ATRNL1: variants seen among roughly 807,000 people sequenced by gnomAD.
ATRNL1 encodes the protein attractin-like protein 1.
Under a neutral mutation model 182.7 loss-of-function variants are expected in ATRNL1, and 95 were observed. That is an observed-to-expected ratio of 0.52 (90% CI 0.44 to 0.62). The LOEUF is 0.62. Among genes scored for constraint, ATRNL1 ranks in the 20% least tolerant of loss-of-function variants. The pLI is 0.00. For synonymous variants in ATRNL1, 576 were observed against 568.3 expected (o/e 1.01, Z -0.19); for missense variants, 1,471 against 1,679.5 (o/e 0.88, Z 2.17).
At chr10:115,669,908 T>C (rs1555040861) in intron 26 of ATRNL1, among the ~76,000 whole-genome samples, 1 of 152,094 alleles carries the variant, frequency 6.6e-6, no homozygotes, top group Non-Finnish European at 1.5e-5. Flanking sequence ...TGTTATTACT[T>C]AGAGGTGTTT....
At chr10:115,757,334 G>T (rs1223399083) in intron 27 of ATRNL1, among the ~76,000 whole-genome samples, 1 of 152,148 alleles carries the variant, frequency 6.6e-6, no homozygotes, top group Non-Finnish European at 1.5e-5. Flanking sequence ...TCCTTCAGGA[G>T]CTCTTGTAAG....
intron 22 of ATRNL1, among the ~76,000 whole-genome samples, chr10:115,462,747 G>A (rs1847877915): frequency 6.6e-6 from 1 of 151,964 alleles, no homozygotes; most frequent in Admixed American, 6.6e-5. Context: ...TTATATGAAT[G>A]ATGGCTCCTT....
At chr10:115,704,590 A>G (rs1023870805) in intron 26 of ATRNL1, among the ~76,000 whole-genome samples, 8 of 152,050 alleles carry the variant, frequency 5.3e-5, no homozygotes, top group Non-Finnish European at 8.8e-5. Flanking sequence ...AATATTAAGC[A>G]GAATAAATAT....
chr10:115,397,037 T>C (rs1044742456), intron 20 of ATRNL1, among the ~76,000 whole-genome samples: 2 of 151,960 alleles, frequency 1.3e-5, no homozygotes. Context: ...TCCATTCATT[T>C]ACTTTTTTGT....
Position 115,604,543 on chromosome 10 carries a change from T to C in ATRNL1, c.3795+55007T>C, listed in dbSNP as rs1432721740. Among the ~76,000 whole-genome samples the C allele has an allele frequency of 5.3e-5, 8 of 152,140 alleles. No individual in the cohort carries two copies. The South Asian group carries it at 1.0e-3, about 20-fold the overall frequency. ...GATTTGGTAAAAATTCAAAGAGATATTTAGAGCTCTTTTTCAGCATATATC... is the reference window on the plus strand; with the variant it reads ...GATTTGGTAAAAATTCAAAGAGATACTTAGAGCTCTTTTTCAGCATATATC... On this transcript the variant is annotated intron_variant, in intron 26 of 28. Coordinates refer to ENST00000355044, the MANE Select transcript of ATRNL1 (RefSeq NM_207303.4).
chr10:115,787,061 T>A (rs1555080563), intron 27 of ATRNL1, among the ~76,000 whole-genome samples: 1 of 152,226 alleles, frequency 6.6e-6, no homozygotes. Flanking sequence ...TCAAAGGTTC[T>A]TTATCTGATT....
chr10:115,424,393 A>C (rs1845787101), intron 20 of ATRNL1, among the ~76,000 whole-genome samples: 1 of 152,178 alleles, frequency 6.6e-6, no homozygotes, highest in East Asian at 1.9e-4. Flanking sequence ...AAAAATTAAA[A>C]ACAGAATGAA....
At chr10:115,576,070 A>G (rs1231661192) in intron 26 of ATRNL1, among the ~76,000 whole-genome samples, 2 of 152,056 alleles carry the variant, frequency 1.3e-5, no homozygotes, top group African/African-American at 2.4e-5. Context: ...AAATGCCAGT[A>G]TCTCTTTTTT....
intron 18 of ATRNL1, among the ~76,000 whole-genome samples, chr10:115,328,429 T>G (rs1855032136): frequency 6.6e-6 from 1 of 152,182 alleles, no homozygotes; most frequent in Admixed American, 6.5e-5. Context: ...GTGTTTGTTG[T>G]GAGAACATTC....
intron 28 of ATRNL1, among the ~76,000 whole-genome samples, chr10:115,890,216 G>A (rs188019099): frequency 1.3e-5 from 2 of 152,308 alleles, no homozygotes; most frequent in African/African-American, 4.8e-5. Context: ...GTGGTGGACC[G>A]TTAGAGCACA....
intron 1 of ATRNL1, chr10:115,096,957 T>A: frequency 5.5e-6 from 2 of 360,902 alleles, no homozygotes; most frequent in Non-Finnish European, 8.3e-6. Flanking sequence ...ATTCAAGTTG[T>A]ATTTATTTGA....
At chr10:115,462,190 A>G (rs965209243) in intron 22 of ATRNL1, among the ~76,000 whole-genome samples, 155 bp downstream of exon 22, 1 of 152,110 alleles carries the variant, frequency 6.6e-6, no homozygotes. Flanking sequence ...GTGATTCAAT[A>G]ATTTGTGAAT....
intron 27 of ATRNL1, among the ~76,000 whole-genome samples, chr10:115,737,307 T>G (rs891327540): frequency 2.0e-5 from 3 of 149,910 alleles, no homozygotes; most frequent in Non-Finnish European, 4.4e-5. Flanking sequence ...CATGGTGGCA[T>G]GCATCTATGG....
intron 27 of ATRNL1, among the ~76,000 whole-genome samples, chr10:115,836,439 A>T (rs1950673614): frequency 6.6e-6 from 1 of 152,194 alleles, no homozygotes; most frequent in Non-Finnish European, 1.5e-5. Context: ...TGGCTTAAAA[A>T]AACAGTCTGG....
At chr10:115,897,431 A>T (rs1426945753) in intron 28 of ATRNL1, among the ~76,000 whole-genome samples, 5 of 152,200 alleles carry the variant, frequency 3.3e-5, no homozygotes, top group African/African-American at 1.2e-4. Flanking sequence ...AAGGGTATTG[A>T]TTTCAGCTTT....
At chr10:115,500,920 CTTTTTT>C (rs71010023) in intron 24 of ATRNL1, among the ~76,000 whole-genome samples, 1 of 54,434 alleles carries the variant, frequency 1.8e-5, no homozygotes, top group African/African-American at 8.0e-5. Flanking sequence ...TCAGGTAAGA[CTTTTTT>C]TTTTTTTTTT....
chr10:115,623,002 G>A (rs532806808), intron 26 of ATRNL1, among the ~76,000 whole-genome samples: 2 of 151,998 alleles, frequency 1.3e-5, no homozygotes, highest in South Asian at 2.1e-4. Flanking sequence ...TTATCACAAC[G>A]GTATAATAAA....
intron 15 of ATRNL1, among the ~76,000 whole-genome samples, chr10:115,287,924 G>GTTTTTTTTTTTTTTTTTTT (rs11298663): frequency 1.1e-5 from 1 of 91,020 alleles, no homozygotes. Flanking sequence ...AAGATCAACT[G>GTTTTTTTTTTTTTTTTTTT]TTTTTTTTTT....
chr10:115,824,458 CAG>C (rs2134291930), intron 27 of ATRNL1, among the ~76,000 whole-genome samples: 1 of 152,098 alleles, frequency 6.6e-6, no homozygotes, highest in East Asian at 1.9e-4. Flanking sequence ...AGTTTCTGCA[CAG>C]CAAAGGAAAC....
Sources: gnomAD v4.1 joint callset for allele counts (sites outside exome capture counted in the v4.1 genomes callset) on GRCh38, gnomAD v4.1.1 for gene constraint, MANE v1.5 for transcripts, NCBI Gene and HGNC (gene_info 2026-07-23, HGNC 2026-07-21) for gene names.